GALNT13: variants seen among roughly 807,000 people sequenced by gnomAD.
GALNT13 encodes the protein polypeptide N-acetylgalactosaminyltransferase 13, also known as UDP-GalNAc:polypeptide N-acetylgalactosaminyltransferase 13.
A neutral mutation model predicts 64.2 loss-of-function variants in GALNT13; 28 were observed. The ratio of observed to expected loss-of-function variants is 0.44; its 90% confidence interval spans 0.32 to 0.60. The LOEUF (loss-of-function observed/expected upper bound fraction) is 0.60. Ranked by LOEUF, GALNT13 falls within the 20% of genes least tolerant of loss-of-function variation. The probability of loss-of-function intolerance (pLI) is 0.05; values close to 1 mark genes in which losing one functional copy is unlikely to be tolerated. For synonymous variants in GALNT13, 214 were observed against 224.6 expected (o/e 0.95, Z 0.42); for missense variants, 577 against 669.8 (o/e 0.86, Z 1.53).
the GALNT13 span, among the ~76,000 whole-genome samples, chr2:153,215,213 C>G: frequency 3.9e-5 from 6 of 152,032 alleles, no homozygotes. Context: ...CTTGCTCTTT[C>G]CCACTAAATT....
chr2:154,269,234 A>G (rs1204764695), intron 8 of GALNT13, among the ~76,000 whole-genome samples: 2 of 152,124 alleles, frequency 1.3e-5, no homozygotes, highest in Non-Finnish European at 2.9e-5. Flanking sequence ...ACTTAAAGAA[A>G]GTAAAGAATT....
intron 9 of GALNT13, among the ~76,000 whole-genome samples, chr2:154,376,381 A>G (rs916394281): frequency 3.3e-5 from 5 of 152,258 alleles, no homozygotes; most frequent in African/African-American, 9.6e-5. Flanking sequence ...TATTTTGTAG[A>G]TGGGATACAT....
At chr2:153,938,808 A>G (rs527381631) in intron 2 of GALNT13, among the ~76,000 whole-genome samples, 1 of 152,094 alleles carries the variant, frequency 6.6e-6, no homozygotes, top group African/African-American at 2.4e-5. Flanking sequence ...CACCCATCAC[A>G]CTTCATTTTG....
chr2:153,133,571 G>A, the GALNT13 span, among the ~76,000 whole-genome samples: 5 of 152,132 alleles, frequency 3.3e-5, no homozygotes, highest in Admixed American at 6.5e-5. Flanking sequence ...ACAAGAACCC[G>A]GTTTTTAGCT....
chr2:153,887,209 A>G (rs895342572), intron 1 of GALNT13, among the ~76,000 whole-genome samples: 1 of 151,642 alleles, frequency 6.6e-6, no homozygotes, highest in Non-Finnish European at 1.5e-5. Context: ...ATGACATGAG[A>G]GTTGAGGTGA....
the GALNT13 span, among the ~76,000 whole-genome samples, chr2:153,584,639 T>C: frequency 5.1e-4 from 78 of 152,260 alleles, no homozygotes; most frequent in Non-Finnish European, 1.3e-4. Flanking sequence ...GGCCCACATA[T>C]TGGCTTGCCA....
At chr2:153,082,369 C>T in the GALNT13 span, among the ~76,000 whole-genome samples, 1 of 151,622 alleles carries the variant, frequency 6.6e-6, no homozygotes, top group African/African-American at 2.4e-5. Flanking sequence ...TTTGCATCTT[C>T]ATAGCTTGGC....
chr2:153,853,167 C>G, the GALNT13 span, among the ~76,000 whole-genome samples: 1 of 152,174 alleles, frequency 6.6e-6, no homozygotes, highest in Non-Finnish European at 1.5e-5. Context: ...CCAAAAGACT[C>G]AGGCAGTCTA....
chr2:153,252,549 G>T, the GALNT13 span, among the ~76,000 whole-genome samples: 1 of 151,098 alleles, frequency 6.6e-6, no homozygotes, highest in Non-Finnish European at 1.5e-5. Flanking sequence ...CCTTGCCCAT[G>T]CCTATGTCCT....
rs565908243 is a variant in GALNT13, at chr2:154,146,166, G to A, written c.311+5661G>A. 1.4e-3 allele frequency among the ~76,000 whole-genome samples: 216 copies of A among 149,590 alleles called. 1 individual carries two copies. The highest frequency in any genetic ancestry group is 2.2e-3 in the Non-Finnish European group (146 of 67,252). ...TATATATATATACACACACACACAC[G>A]CATACACATACACACACATATATAC... On this transcript the variant is annotated intron_variant, in intron 4 of 12. Transcript: ENST00000392825.
the GALNT13 span, among the ~76,000 whole-genome samples, chr2:153,782,001 T>A: frequency 1.3e-5 from 2 of 152,170 alleles, no homozygotes; most frequent in Non-Finnish European, 2.9e-5. Flanking sequence ...AAAGAACTAA[T>A]GTCTATAGTC....
chr2:153,802,768 C>A, the GALNT13 span, among the ~76,000 whole-genome samples: 10 of 152,214 alleles, frequency 6.6e-5, no homozygotes, highest in Non-Finnish European at 1.2e-4. Context: ...AAGCCTCTTT[C>A]ATTTAGTCAC....
the GALNT13 span, among the ~76,000 whole-genome samples, chr2:153,096,896 T>G: frequency 6.6e-6 from 1 of 152,286 alleles, no homozygotes; most frequent in South Asian, 2.1e-4. Context: ...GACTTACTCC[T>G]GTCAATTTGT....
the GALNT13 span, among the ~76,000 whole-genome samples, chr2:153,803,606 G>T: frequency 6.6e-6 from 1 of 151,324 alleles, no homozygotes; most frequent in African/African-American, 2.4e-5. Context: ...GCAGGAGAAC[G>T]GCGTGAACCC....
At chr2:153,318,122 G>GTT in the GALNT13 span, among the ~76,000 whole-genome samples, 28,653 of 144,672 alleles carry the variant, frequency 0.2, 3,225 homozygotes, top group African/African-American at 0.31. Context: ...TATTAGGAGA[G>GTT]TTTTTTTTTT....
At chr2:153,950,136 A>AT (rs1389346717) in intron 3 of GALNT13, among the ~76,000 whole-genome samples, 1 of 152,032 alleles carries the variant, frequency 6.6e-6, no homozygotes, top group Non-Finnish European at 1.5e-5. Flanking sequence ...CTTAAAGAAG[A>AT]TAAAAAGAGA....
intron 3 of GALNT13, among the ~76,000 whole-genome samples, chr2:154,127,050 A>G (rs1261466366): frequency 1.3e-5 from 2 of 152,216 alleles, no homozygotes; most frequent in Non-Finnish European, 2.9e-5. Flanking sequence ...ATAATTTTTA[A>G]TTACTATTTT....
At chr2:153,710,446 G>A in the GALNT13 span, among the ~76,000 whole-genome samples, 1 of 152,046 alleles carries the variant, frequency 6.6e-6, no homozygotes, top group African/African-American at 2.4e-5. Flanking sequence ...TTTTGACCTT[G>A]TGGATCCCCA....
chr2:153,635,032 C>T, the GALNT13 span, among the ~76,000 whole-genome samples: 1 of 151,956 alleles, frequency 6.6e-6, no homozygotes, highest in South Asian at 2.1e-4. Context: ...TTTTAGAAAG[C>T]ATTAGTTTCT....
Sources: allele counts gnomAD v4.1 joint callset (sites outside exome capture counted in the v4.1 genomes callset), GRCh38; gene constraint gnomAD v4.1.1; transcripts MANE v1.5; gene names NCBI Gene and HGNC (gene_info 2026-07-23, HGNC 2026-07-21).